Variants in PLA2R1 observed in about 807,000 individuals in gnomAD.
PLA2R1 encodes the protein phospholipase A2 receptor 1.
PLA2R1 carries 158 observed loss-of-function variants against 195.9 expected under a neutral mutation model. That is an observed-to-expected ratio of 0.81 (90% CI 0.71 to 0.92). The LOEUF is 0.92. PLA2R1 is among the 40% of genes least tolerant of loss of function. The pLI is 0.00. For missense variants in PLA2R1, 1,626 were observed against 1,764.6 expected, an observed-to-expected ratio of 0.92 and a Z score of 1.41; for synonymous variants, 586 against 598.2, an observed-to-expected ratio of 0.98 and a Z score of 0.30.
intron 10 of PLA2R1, among the ~76,000 whole-genome samples, chr2:160,007,315 G>A (rs1283990877): frequency 1.3e-5 from 2 of 152,178 alleles, no homozygotes; most frequent in African/African-American, 4.8e-5. Flanking sequence ...GGAGAAGGGC[G>A]GGGTCCCTGG....
In PLA2R1 at chr2:160,038,890, CAG is replaced by C. The variant is rs1694340880; in HGVS notation, c.667+3133_667+3134del. Among the ~76,000 whole-genome samples, 6 of 152,082 alleles carry C rather than the reference CAG, an allele frequency of 3.9e-5. No individual in the cohort carries two copies. In the South Asian group the frequency reaches 1.2e-3, roughly 32 times the overall value. On this transcript the variant is annotated intron_variant, in intron 3 of 29. Coordinates refer to ENST00000283243, the MANE Select transcript of PLA2R1 (RefSeq NM_007366.5). ...GGGAGCGGGGGCAGGCGGGCGGCGACAGAGTCTTGCTCTGTCACCAGGCTGTA... is the reference window on the plus strand; with the variant it reads ...GGGAGCGGGGGCAGGCGGGCGGCGACAGTCTTGCTCTGTCACCAGGCTGTA...
At position 160,007,109 on chromosome 2, in the gene PLA2R1, T is replaced by C. The variant is rs13407818; in HGVS notation, c.1665-1288A>G. Among the ~76,000 whole-genome samples, 1,098 of 152,358 alleles carry C rather than the reference T, an allele frequency of 7.2e-3. 8 individuals are homozygous for C. Among genetic ancestry groups the C allele is most frequent in the Middle Eastern group, 0.027 (8 of 294 alleles). On this transcript the variant is annotated intron_variant, in intron 10 of 29. Transcript: ENST00000283243. ...ACATTTGAAACAAGAAAAGTTCTTT[T>C]TTTAATCCAGATCATACTGGCAGAA... is the stretch of plus-strand genomic sequence containing the variant.
At chr2:160,023,583 A>G (rs1468923303) in intron 6 of PLA2R1, among the ~76,000 whole-genome samples, 2 of 152,222 alleles carry the variant, frequency 1.3e-5, no homozygotes, top group Non-Finnish European at 2.9e-5. Context: ...CATATAATCG[A>G]GAAAGAACTG....
intron 11 of PLA2R1, among the ~76,000 whole-genome samples, chr2:159,992,331 T>C (rs1158423600): frequency 6.6e-6 from 1 of 151,884 alleles, no homozygotes; most frequent in Admixed American, 6.6e-5. Context: ...GGATACAAAA[T>C]CAATGTACAA....
At chr2:159,980,483 A>T (rs1689870908) in intron 13 of PLA2R1, among the ~76,000 whole-genome samples, 2 of 152,322 alleles carry the variant, frequency 1.3e-5, no homozygotes, top group East Asian at 3.9e-4. Flanking sequence ...ACATTCATGT[A>T]TTCTCTGAAA....
At chr2:159,980,947 T>C in intron 13 of PLA2R1, among the ~76,000 whole-genome samples, 1 of 152,140 alleles carries the variant, frequency 6.6e-6, no homozygotes, top group African/African-American at 2.4e-5. Flanking sequence ...GGTTGGACAT[T>C]GTCATGATGA....
At chr2:159,980,441 T>A (rs1574724186) in intron 13 of PLA2R1, among the ~76,000 whole-genome samples, 1 of 152,364 alleles carries the variant, frequency 6.6e-6, no homozygotes, top group South Asian at 2.1e-4. Flanking sequence ...TATTCTACTT[T>A]ACTATGCTTT....
At chr2:159,958,226 T>C (rs1182899365) in intron 20 of PLA2R1, among the ~76,000 whole-genome samples, 1 of 151,948 alleles carries the variant, frequency 6.6e-6, no homozygotes, top group Non-Finnish European at 1.5e-5. Flanking sequence ...CGAGATCTGA[T>C]TGTTTAAAAG....
chr2:159,971,500 ACAC>A (rs202107724), intron 17 of PLA2R1, among the ~76,000 whole-genome samples: 3,262 of 85,612 alleles, frequency 0.038, 46 homozygotes, highest in Non-Finnish European at 0.078. Flanking sequence ...ACACACACAC[ACAC>A]ATTAGGGCAG....
chr2:160,025,960 A>G, intron 6 of PLA2R1, among the ~76,000 whole-genome samples: 1 of 152,228 alleles, frequency 6.6e-6, no homozygotes, highest in East Asian at 1.9e-4. Flanking sequence ...CATGAGGACT[A>G]TAGTTAATGT....
rs1025083077 is a variant in PLA2R1 at position 159,939,335 on chromosome 2, G to A, written c.*2443C>T. 6.6e-6 allele frequency: 1 copy of A among 151,672 alleles called. No individual in the cohort carries two copies. Among genetic ancestry groups the A allele is most frequent in the Admixed American group, 6.6e-5 (1 of 15,206 alleles). 9.4% of individuals were successfully genotyped at this position (151,672 alleles called of 1,614,324 possible). On this transcript the variant is annotated 3_prime_UTR_variant, in exon 30 of 30. Transcript: ENST00000283243. ...ATCCTGGACAACATGGTGAAACCCT[G>A]TCTCTACTAAAAATACAAAAATTAG...
At chr2:159,957,919 C>A (rs935915635) in intron 20 of PLA2R1, among the ~76,000 whole-genome samples, 1 of 152,176 alleles carries the variant, frequency 6.6e-6, no homozygotes, top group African/African-American at 2.4e-5. Flanking sequence ...ATAATCAATT[C>A]TCTCATCAAT....
chr2:160,026,141 C>T (rs1693511556), intron 6 of PLA2R1, among the ~76,000 whole-genome samples: 1 of 152,064 alleles, frequency 6.6e-6, no homozygotes, highest in Admixed American at 6.5e-5. Flanking sequence ...TGAACATACA[C>T]AGTCAATTTT....
At chr2:160,015,442 G>A (rs1422128984) in intron 9 of PLA2R1, among the ~76,000 whole-genome samples, 1 of 152,188 alleles carries the variant, frequency 6.6e-6, no homozygotes, top group Non-Finnish European at 1.5e-5. Flanking sequence ...AATTGGCTAT[G>A]AACTCAGAAA....
At chr2:159,992,574 A>G (rs1690895094) in intron 11 of PLA2R1, among the ~76,000 whole-genome samples, 1 of 150,308 alleles carries the variant, frequency 6.7e-6, no homozygotes, top group Non-Finnish European at 1.5e-5. Context: ...AATATCGTGA[A>G]AATGGCCATA....
rs1381413151 is a variant in PLA2R1, at chr2:159,947,575, A to G, written c.3710-16T>C. ...TGTCTTGTTTCTGTGAAGAAAAGCC[A>G]GTTATGATTTCAGGGTGGTGACTGG... is the stretch of plus-strand genomic sequence containing the variant. On this transcript the variant is annotated splice_polypyrimidine_tract_variant and intron_variant, in intron 25 of 29. Transcript: ENST00000283243. 3 of 1,612,096 alleles carry G rather than the reference A, an allele frequency of 1.9e-6. No homozygotes were observed. The highest frequency in any genetic ancestry group is 2.5e-6 in the Non-Finnish European group (3 of 1,178,888).
intron 23 of PLA2R1, among the ~76,000 whole-genome samples, chr2:159,953,586 G>A (rs1687898830): frequency 6.6e-6 from 1 of 152,218 alleles, no homozygotes; most frequent in Non-Finnish European, 1.5e-5. Context: ...CAGAAGATAA[G>A]TAACCTTGAC....
chr2:159,945,144 G>T, intron 27 of PLA2R1, 62 bp from the exon 28 acceptor site: 1 of 1,032,210 alleles, frequency 9.7e-7, no homozygotes, highest in Admixed American at 3.7e-5. Context: ...TACTAAGACT[G>T]GAATTAACCA....
Position 159,937,571 on chromosome 2 carries a change from G to C in PLA2R1, c.*4207C>G, listed in dbSNP as rs1317522147. The C allele has an allele frequency of 1.3e-5, 2 of 152,180 alleles. No homozygotes were observed. The highest frequency in any genetic ancestry group is 4.8e-5 in the African/African-American group (2 of 41,434). 9.4% of individuals were successfully genotyped at this position (152,180 alleles called of 1,614,324 possible). On this transcript the variant is annotated 3_prime_UTR_variant, in exon 30 of 30. Coordinates refer to ENST00000283243, the MANE Select transcript of PLA2R1 (RefSeq NM_007366.5). ...CACATAGAAATCTAAGATAAATCAA[G>C]CCTTGGGACTTTCTTCTGGATAACA...
Sources: allele counts gnomAD v4.1 joint callset (sites outside exome capture counted in the v4.1 genomes callset), GRCh38; gene constraint gnomAD v4.1.1; transcripts MANE v1.5; gene names NCBI Gene and HGNC (gene_info 2026-07-23, HGNC 2026-07-21).